Variants in ZNF385C observed in about 807,000 individuals in gnomAD.
ZNF385C encodes the protein zinc finger protein 385C.
In ZNF385C, 28 loss-of-function variants were observed where a neutral mutation model predicts 35.4. The ratio of observed to expected loss-of-function variants is 0.79; its 90% CI spans 0.59 to 1.08. The LOEUF (loss-of-function observed/expected upper bound fraction) is 1.08. Among genes scored for constraint, ZNF385C ranks in the 50% least tolerant of loss-of-function variants. The pLI is 0.00. For missense variants in ZNF385C, 605 were observed against 595.6 expected (o/e 1.02, Z -0.16); for synonymous variants, 248 against 248.2 (o/e 1.00, Z 0.01).
intron 1 of ZNF385C, among the ~76,000 whole-genome samples, chr17:42,064,068 GCACATACACACACACA>G (rs2053508950): frequency 3.4e-5 from 2 of 59,576 alleles, no homozygotes; most frequent in East Asian, 9.8e-4. Flanking sequence ...GCGCGCACAC[GCACATACACACACACA>G]CACACACACA....
intron 5 of ZNF385C, 102 bp from the exon 6 acceptor site, chr17:42,029,175 C>T: frequency 7.4e-7 from 1 of 1,347,050 alleles, no homozygotes; most frequent in Non-Finnish European, 9.9e-7. Flanking sequence ...GGTGGATGAC[C>T]AGCACTGAAT....
At position 42,025,765 on chromosome 17, in the gene ZNF385C, G is replaced by T. The variant is rs1356974004; in HGVS notation, c.*1132C>A. ...GGGGTGGGGAGGGGGCAGTGCTGCA[G>T]TGGAAAGGAGTTTGTGACATTGACA... On this transcript the variant is annotated 3_prime_UTR_variant, in exon 9 of 9. Coordinates refer to ENST00000692273, the MANE Select transcript of ZNF385C (RefSeq NM_001392013.1). 6.6e-6 allele frequency: 1 copy of T among 152,504 alleles called. No homozygotes were observed. The highest frequency in any genetic ancestry group is 1.5e-5 in the Non-Finnish European group (1 of 68,060). 9.4% of individuals were successfully genotyped at this position (152,504 alleles called of 1,614,324 possible). A position where few individuals can be genotyped will look rare whatever the true frequency, so the allele number is the denominator to read the frequency against.
chr17:42,032,580 G>A (rs782250845), intron 4 of ZNF385C, among the ~76,000 whole-genome samples: 1 of 152,212 alleles, frequency 6.6e-6, no homozygotes, highest in Non-Finnish European at 1.5e-5. Flanking sequence ...TGGGGTGTAT[G>A]TACCCCAGAA....
At chr17:42,031,564 G>T in intron 5 of ZNF385C, 55 bp downstream of exon 5, 2 of 1,514,706 alleles carry the variant, frequency 1.3e-6, no homozygotes, top group Non-Finnish European at 1.8e-6. Flanking sequence ...TCAACCCCTT[G>T]TCGGAAACCA....
At chr17:42,059,761 A>G (rs2053434338) in intron 2 of ZNF385C, among the ~76,000 whole-genome samples, 3 of 152,186 alleles carry the variant, frequency 2.0e-5, no homozygotes, top group Admixed American at 1.3e-4. Context: ...AACTGGGATT[A>G]CAGGCATGTG....
At chr17:42,080,502 C>T (rs1555659634) in intron 1 of ZNF385C, among the ~76,000 whole-genome samples, 1 of 152,166 alleles carries the variant, frequency 6.6e-6, no homozygotes, top group Admixed American at 6.5e-5. Context: ...CCTAACCCAT[C>T]CTAACCTCAC....
intron 1 of ZNF385C, among the ~76,000 whole-genome samples, chr17:42,094,227 C>T (rs563861787): frequency 7.2e-5 from 11 of 152,326 alleles, no homozygotes; most frequent in African/African-American, 2.6e-4. Context: ...AGGTGATCCA[C>T]CCGCCTCAGC....
chr17:42,040,163 G>A (rs1360854158), intron 2 of ZNF385C: 2 of 1,231,556 alleles, frequency 1.6e-6, no homozygotes, highest in African/African-American at 1.5e-5. Flanking sequence ...GGGTAGCGTC[G>A]GGGGTCGAAG....
intron 5 of ZNF385C, among the ~76,000 whole-genome samples, chr17:42,030,608 T>C (rs2143534195): frequency 1.3e-5 from 2 of 152,292 alleles, no homozygotes; most frequent in Non-Finnish European, 2.9e-5. Flanking sequence ...AAAGTCAGGA[T>C]CGTATTTACC....
At position 42,057,499 on chromosome 17, in the gene ZNF385C, C is replaced by CGTGTGTGTGTGT. The variant is rs202100946; in HGVS notation, c.250+5307_250+5308insACACACACACAC. Among the ~76,000 whole-genome samples, 879 of 131,702 alleles carry CGTGTGTGTGTGT rather than the reference C, an allele frequency of 6.7e-3. 21 individuals are homozygous for CGTGTGTGTGTGT. The highest frequency in any genetic ancestry group is 9.7e-3 in the Non-Finnish European group (605 of 62,224). The allele number at this position is 131,702 out of a possible 152,430, so 86.4% of individuals were successfully genotyped here. ...TCACTTAAAGTTATTTAGGGGTGTG[C>CGTGTGTGTGTGT]GCGCGCGCGCGCGCGTGTGTGTGTG... On this transcript the variant is annotated intron_variant, in intron 2 of 8. Transcript: ENST00000692273.
At chr17:42,040,655 C>T in intron 2 of ZNF385C, 3 of 1,232,298 alleles carry the variant, frequency 2.4e-6, no homozygotes, top group Non-Finnish European at 2.0e-6. Context: ...GCTTCCACTA[C>T]AGGCAGCAGG....
chr17:42,092,316 T>C (rs2053870638), intron 1 of ZNF385C, among the ~76,000 whole-genome samples: 1 of 151,966 alleles, frequency 6.6e-6, no homozygotes, highest in Non-Finnish European at 1.5e-5. Context: ...CACGAGAATC[T>C]TGTGAACCTG....
intron 1 of ZNF385C, among the ~76,000 whole-genome samples, chr17:42,096,398 T>TC (rs2053918212): frequency 6.6e-6 from 1 of 152,136 alleles, no homozygotes; most frequent in African/African-American, 2.4e-5. Flanking sequence ...TGCTGATGCC[T>TC]CATCCCACAG....
At position 42,095,243 on chromosome 17, in the gene ZNF385C, A is replaced by G. The variant is rs1046824784; in HGVS notation, c.-3+3167T>C. On this transcript the variant is annotated intron_variant, in intron 1 of 8. Coordinates refer to ENST00000692273, the MANE Select transcript of ZNF385C (RefSeq NM_001392013.1). This position sits in a 1 kb window ranked among gnomAD's most constrained non-coding sequence, Gnocchi z 4.4. The stretch of plus-strand genomic sequence containing the variant: ...CCTCTTCTGAACAGACGGTGTGTCC[A>G]GGTGCCACAGGGCACTTGACTACAG... Among the ~76,000 whole-genome samples, 1 of 152,214 alleles carries G rather than the reference A, an allele frequency of 6.6e-6. No individual in the cohort carries two copies. Among genetic ancestry groups the G allele is most frequent in the African/African-American group, 2.4e-5 (1 of 41,446 alleles).
intron 2 of ZNF385C, chr17:42,043,004 C>T (rs1199604581): frequency 1.6e-6 from 2 of 1,232,258 alleles, no homozygotes; most frequent in African/African-American, 3.1e-5. Context: ...TTGGCCGGGT[C>T]TAACTCCACC....
At chr17:42,057,996 T>G (rs2053407227) in intron 2 of ZNF385C, among the ~76,000 whole-genome samples, 3 of 150,324 alleles carry the variant, frequency 2.0e-5, no homozygotes, top group South Asian at 2.1e-4. Context: ...AGATGGGGGG[T>G]GGGCAGGGTA....
At chr17:42,049,526 C>A (rs1332153756) in intron 2 of ZNF385C, among the ~76,000 whole-genome samples, 1 of 152,228 alleles carries the variant, frequency 6.6e-6, no homozygotes, top group East Asian at 1.9e-4. Flanking sequence ...GGCAGTGGAG[C>A]CAGCCCTTGG....
intron 1 of ZNF385C, chr17:42,065,477 T>C (rs2053533934): frequency 6.6e-6 from 1 of 152,220 alleles, no homozygotes; most frequent in Non-Finnish European, 1.5e-5. Context: ...CATCCAACAG[T>C]GGAGCCCGCA....
intron 2 of ZNF385C, among the ~76,000 whole-genome samples, chr17:42,048,401 C>T (rs1417367449): frequency 4.7e-5 from 7 of 150,336 alleles, no homozygotes; most frequent in East Asian, 3.9e-4. Flanking sequence ...AAAAATTAGC[C>T]GGTCATGGTG....
Sources: allele counts gnomAD v4.1 joint callset (sites outside exome capture counted in the v4.1 genomes callset), GRCh38; gene constraint gnomAD v4.1.1; non-coding constraint Gnocchi (gnomAD v3.1); transcripts MANE v1.5; gene names NCBI Gene and HGNC (gene_info 2026-07-23, HGNC 2026-07-21).